Variants in SLFN13 observed in about 807,000 individuals in gnomAD.
The protein encoded by SLFN13 is schlafen-13.
SLFN13 carries 43 observed loss-of-function variants against 50.6 expected under a neutral mutation model. The observed-to-expected ratio is 0.85, with a 90% confidence interval of 0.67 to 1.09. The LOEUF (loss-of-function observed/expected upper bound fraction) is 1.09, where lower values mean the gene tolerates loss of function less well. Among genes scored for constraint, SLFN13 ranks in the 50% least tolerant of loss-of-function variants. The probability of loss-of-function intolerance (pLI) is 0.00; values close to 1 mark genes in which losing one functional copy is unlikely to be tolerated. For synonymous variants in SLFN13, 339 were observed against 386.5 expected (o/e 0.88, Z 1.44); for missense variants, 881 against 1,071.1 (o/e 0.82, Z 2.48).
At chr17:35,441,435 G>A (rs551552311) in intron 5 of SLFN13, 69 bp from the exon 6 acceptor site, 1 of 1,572,810 alleles carries the variant, frequency 6.4e-7, no homozygotes, top group South Asian at 1.2e-5. Context: ...ATTGTATCAT[G>A]TTCCTCCGAG....
Position 35,435,286 on chromosome 17 carries a change from T to C in SLFN13, c.*5309A>G, listed in dbSNP as rs1412460981. ...CATTGAACCTTGTGTTGCTATTCTT[T>C]ATAGTGTTTTGCGGGGAGGGGGTTG... On this transcript the variant is annotated 3_prime_UTR_variant, in exon 6 of 6. Transcript: ENST00000285013. 4 of 151,906 alleles carry C rather than the reference T, an allele frequency of 2.6e-5. No homozygotes were observed. The highest frequency in any genetic ancestry group is 9.7e-5 in the African/African-American group (4 of 41,352). The allele number at this position is 151,906 out of a possible 1,614,324, so 9.4% of individuals were successfully genotyped here. A position where few individuals can be genotyped will look rare whatever the true frequency, so the allele number is the denominator to read the frequency against.
chr17:35,444,658 C>T lies in SLFN13; in HGVS notation c.1023G>A (p.Leu341=), dbSNP rs1206322840. The part of the protein sequence containing the change: ...WMVREKYIRP[L]TTEEWVEKMM... ...TTTTCTCTACCCATTCCTCAGTTGT[C>T]AAGGGGCGGATGTACTTCTCCCTCA... The change falls in exon 3 of 6, where the codon TTG becomes TTA. Residue 341 remains leucine, a synonymous_variant. Coordinates refer to ENST00000285013, the MANE Select transcript of SLFN13 (RefSeq NM_144682.6). 1.9e-6 allele frequency: 3 copies of T among 1,614,090 alleles called. No individual in the cohort carries two copies. In the East Asian group the frequency reaches 6.7e-5, roughly 36 times the overall value.
In SLFN13 at chr17:35,436,885, G is replaced by A. The variant is rs983221566; in HGVS notation, c.*3710C>T. 4 of 151,958 alleles carry A rather than the reference G, an allele frequency of 2.6e-5. No individual in the cohort carries two copies. Among genetic ancestry groups the A allele is most frequent in the Admixed American group, 2.6e-4 (4 of 15,274 alleles). 9.4% of individuals were successfully genotyped at this position (151,958 alleles called of 1,614,324 possible). ...CCTGGACCAGAACTTTTTCTCTTTT[G>A]AGAAAAAAACATAAAGACACTTGAG... On this transcript the variant is annotated 3_prime_UTR_variant, in exon 6 of 6. Coordinates refer to ENST00000285013, the MANE Select transcript of SLFN13 (RefSeq NM_144682.6).
At chr17:35,449,017 T>C (rs1913372487), upstream of SLFN13, among the ~76,000 whole-genome samples, 1 of 151,308 alleles carries the variant, frequency 6.6e-6, no homozygotes, top group African/African-American at 2.4e-5. Context: ...GAGACCAGCC[T>C]GGACAGCACA....
At position 35,445,311 on chromosome 17, in the gene SLFN13, T is replaced by C; in HGVS notation, c.370A>G (p.Asn124Asp). 6.2e-7 allele frequency: 1 copy of C among 1,613,838 alleles called. No individual in the cohort carries two copies. Among genetic ancestry groups the C allele is most frequent in the Non-Finnish European group, 8.5e-7 (1 of 1,179,952 alleles). ...GAACTAAGGCTGCAAATGCGGGAAT[T>C]GAAAGAACCATCTTTAAGGAAAGGA... is the stretch of plus-strand genomic sequence containing the variant. ...GDPFLKDGSF[N>D]SRICSLSSSL... The change falls in exon 3 of 6, where the codon AAT becomes GAT. Residue 124 changes from asparagine (N) to aspartate (D), a missense_variant. Asn to Asp is a conservative substitution (Grantham distance 23, BLOSUM62 1). Around this residue, in one of 5 missense-constraint regions of SLFN13, gnomAD observed 497 missense variants for 518.3 expected, o/e 0.96. Transcript: ENST00000285013.
Position 35,440,496 on chromosome 17 carries a change from T to C in SLFN13, c.*99A>G. 1 of 1,400,434 alleles carries C rather than the reference T, an allele frequency of 7.1e-7. No individual in the cohort carries two copies. Among genetic ancestry groups the C allele is most frequent in the East Asian group, 2.3e-5 (1 of 43,682 alleles). The allele number at this position is 1,400,434 out of a possible 1,614,324, so 86.8% of individuals were successfully genotyped here. A position where few individuals can be genotyped will look rare whatever the true frequency, so the allele number is the denominator to read the frequency against. ...TGTCAGCTCTGTCCAAATCTCTAAC[T>C]GACTTGTGAACTAAAAAGAAAGGTT... On this transcript the variant is annotated 3_prime_UTR_variant, in exon 6 of 6. Coordinates refer to ENST00000285013, the MANE Select transcript of SLFN13 (RefSeq NM_144682.6).
In SLFN13 at chr17:35,444,754, G is replaced by A; in HGVS notation, c.927C>T (p.Gly309=). Residue 309 remains glycine (G), a synonymous_variant, in exon 3 of 6, where the codon GGC becomes GGT. Coordinates refer to ENST00000285013, the MANE Select transcript of SLFN13 (RefSeq NM_144682.6). ...CCTTCACTTTAATCACACAGAGATA[G>A]CCATACAACTCTTTCCCACAAAACA... ...VEVFCGKELY[G]YLCVIKVKAF... is the part of the protein sequence containing the mutation. 1.9e-6 allele frequency: 3 copies of A among 1,614,174 alleles called. No homozygotes were observed. Among genetic ancestry groups the A allele is most frequent in the Non-Finnish European group, 2.5e-6 (3 of 1,180,038 alleles).
chr17:35,445,540 T>A lies in SLFN13; in HGVS notation c.141A>T (p.Ile47=). The change falls in exon 3 of 6, where the codon ATA becomes ATT. Residue 47 remains isoleucine (I), a synonymous_variant. Coordinates refer to ENST00000285013, the MANE Select transcript of SLFN13 (RefSeq NM_144682.6). ...AGTTTAATAAAGCACACGCGGCCCG[T>A]ATAACTCTCGCCCTCTCTTGGTCTC... The part of the protein sequence containing the change: ...TQRDQERARV[I]RAACALLNSG... 6.2e-7 allele frequency: 1 copy of A among 1,614,160 alleles called. No individual in the cohort carries two copies. Among genetic ancestry groups the A allele is most frequent in the South Asian group, 1.1e-5 (1 of 91,074 alleles).
chr17:35,447,694 G>C (rs193136212), intron 1 of SLFN13, among the ~76,000 whole-genome samples: 9 of 152,188 alleles, frequency 5.9e-5, no homozygotes, highest in Non-Finnish European at 1.0e-4. Context: ...AAACAGCTGC[G>C]ACAGAGGCTC....
rs1912639727 is a variant in SLFN13, at chr17:35,436,168, C to G, written c.*4427G>C. 1 of 152,122 alleles carries G rather than the reference C, an allele frequency of 6.6e-6. No individual in the cohort carries two copies. Among genetic ancestry groups the G allele is most frequent in the Admixed American group, 6.5e-5 (1 of 15,286 alleles). 9.4% of individuals were successfully genotyped at this position (152,122 alleles called of 1,614,324 possible). ...TGAAATTAGTTAGGAACTGTTTCCT[C>G]TTTCTAGGAAAGCATTTGAATAAGA... is the stretch of plus-strand genomic sequence containing the variant. On this transcript the variant is annotated 3_prime_UTR_variant, in exon 6 of 6. Coordinates refer to ENST00000285013, the MANE Select transcript of SLFN13 (RefSeq NM_144682.6).
chr17:35,443,813 C>G lies in SLFN13; in HGVS notation c.1174G>C (p.Asp392His), dbSNP rs1467047985. 9.3e-6 allele frequency: 15 copies of G among 1,611,878 alleles called. No individual in the cohort carries two copies. The highest frequency in any genetic ancestry group is 1.3e-5 in the African/African-American group (1 of 74,878). ...YSKKGLEHKA[D>H]LQQHLFPVPP... ...CCTGGAAATAAATGTTGTTGTAGATCAGCTTTGTGTTCCAGACCTTTCTTA... is the reference window on the plus strand; with the variant it reads ...CCTGGAAATAAATGTTGTTGTAGATGAGCTTTGTGTTCCAGACCTTTCTTA... The change falls in exon 4 of 6, where the codon GAT becomes CAT. Residue 392 changes from aspartate to histidine, a missense_variant. Around this residue, in one of 5 missense-constraint regions of SLFN13, gnomAD observed 497 missense variants for 518.3 expected, o/e 0.96. Coordinates refer to ENST00000285013, the MANE Select transcript of SLFN13 (RefSeq NM_144682.6).
Position 35,444,719 on chromosome 17 carries a change from C to A in SLFN13, c.962G>T (p.Cys321Phe). The change falls in exon 3 of 6, where the codon TGT (cysteine) becomes TTT (phenylalanine). Residue 321 changes from cysteine (C) to phenylalanine (F), a missense_variant. Physicochemically the swap from Cys to Phe is radical, Grantham distance 205 (BLOSUM62 -2). This residue lies in a region of SLFN13 where 497 missense variants were observed against 518.3 expected (regional missense o/e 0.96). Coordinates refer to ENST00000285013, the MANE Select transcript of SLFN13 (RefSeq NM_144682.6). ...CTTGGGAGCTTCCGAGAACACCACACAACAGAATGCCTTCACTTTAATCAC... is the reference window on the plus strand; with the variant it reads ...CTTGGGAGCTTCCGAGAACACCACAAAACAGAATGCCTTCACTTTAATCAC... Reference protein sequence around the residue: ...LCVIKVKAFCCVVFSEAPKSW... With the variant: ...LCVIKVKAFCFVVFSEAPKSW... The A allele has an allele frequency of 6.2e-7, 1 of 1,614,208 alleles. No homozygotes were observed. Among genetic ancestry groups the A allele is most frequent in the South Asian group, 1.1e-5 (1 of 91,082 alleles).
rs969538382 is a variant in SLFN13 at position 35,436,825 on chromosome 17, GA to G, written c.*3769del. On this transcript the variant is annotated 3_prime_UTR_variant, in exon 6 of 6. Transcript: ENST00000285013. ...AGATTAAATGAGACTTAAAAGAAAG[GA>G]AAGCTCAATACAATGCATGATCTTA... 6.6e-6 allele frequency: 1 copy of G among 152,024 alleles called. No homozygotes were observed. Among genetic ancestry groups the G allele is most frequent in the African/African-American group, 2.4e-5 (1 of 41,408 alleles). The allele number at this position is 152,024 out of a possible 1,614,324, so 9.4% of individuals were successfully genotyped here.
chr17:35,443,010 T>C (rs1375590975), intron 4 of SLFN13, among the ~76,000 whole-genome samples: 1 of 152,230 alleles, frequency 6.6e-6, no homozygotes, highest in African/African-American at 2.4e-5. Flanking sequence ...AGGCCTAATA[T>C]ATGAATTACC....
rs1255529546 is a variant in SLFN13 at position 35,445,189 on chromosome 17, A to G, written c.492T>C (p.Asn164=). Residue 164 remains asparagine, a synonymous_variant, in exon 3 of 6, where the codon AAT becomes AAC. Transcript: ENST00000285013. The part of the protein sequence containing the change: ...LKTKERQSKY[N]LINEGSPPSK... ...TAGGTGGAGACCCTTCATTAATCAG[A>G]TTATATTTGGACTGTCTTTCCTTGG... is the stretch of plus-strand genomic sequence containing the variant. The G allele has an allele frequency of 1.9e-6, 3 of 1,613,454 alleles. No homozygotes were observed. The African/African-American group carries it at 4.0e-5, about 22-fold the overall frequency.
chr17:35,449,047 A>AACAACG (rs1913374680), upstream of SLFN13, among the ~76,000 whole-genome samples: 1 of 35,440 alleles, frequency 2.8e-5, no homozygotes, highest in Non-Finnish European at 6.5e-5. Context: ...CCGTCTGTAC[A>AACAACG]ACAACAACAA....
Position 35,440,652 on chromosome 17 carries a change from G to A in SLFN13, c.2637C>T (p.Pro879=). The change falls in exon 6 of 6, where the codon CCC becomes CCT. Residue 879 remains proline, a synonymous_variant. Coordinates refer to ENST00000285013, the MANE Select transcript of SLFN13 (RefSeq NM_144682.6). ...HPRTADPAIL[P]NILICLASRA... ...TGGAAGCCAGACAGATCAGAATATT[G>A]GGTAAGATAGCTGGGTCAGCTGTCC... is the stretch of plus-strand genomic sequence containing the variant. 1.2e-6 allele frequency: 2 copies of A among 1,614,106 alleles called. No individual in the cohort carries two copies. The highest frequency in any genetic ancestry group is 1.7e-6 in the Non-Finnish European group (2 of 1,180,012).
At position 35,440,999 on chromosome 17, in the gene SLFN13, G is replaced by C; in HGVS notation, c.2290C>G (p.Leu764Val). ...CCTGGAACCCATTTAGCTTCACTGA[G>C]AATTGCCAGATACCCATGGGGGATA... ...INIPHGYLAI[L>V]SEAKWVPGVP... Residue 764 changes from leucine (L) to valine (V), a missense_variant, in exon 6 of 6, where the codon CTC becomes GTC. This residue lies in a region of SLFN13 where 322 missense variants were observed against 327.4 expected (regional missense o/e 0.98). Transcript: ENST00000285013. The C allele has an allele frequency of 6.2e-7, 1 of 1,612,766 alleles. No individual in the cohort carries two copies. The highest frequency in any genetic ancestry group is 1.7e-5 in the Admixed American group (1 of 60,026).
At position 35,441,249 on chromosome 17, in the gene SLFN13, C is replaced by G. The variant is rs751692109; in HGVS notation, c.2040G>C (p.Trp680Cys). The stretch of plus-strand genomic sequence containing the variant: ...GAGTGATGGTTTTTGCCTTCCTATA[C>G]CAGTCCCCATCTTCAGTACGGAAAT... ...AQNFRTEDGDWYRKAKTITQR... is the reference protein window; with the variant it reads ...AQNFRTEDGDCYRKAKTITQR... The change falls in exon 6 of 6, where the codon TGG becomes TGC. Residue 680 changes from tryptophan (W) to cysteine (C), a missense_variant. Trp to Cys is a radical substitution (Grantham distance 215). Around this residue, in one of 5 missense-constraint regions of SLFN13, gnomAD observed 322 missense variants for 327.4 expected, o/e 0.98. Coordinates refer to ENST00000285013, the MANE Select transcript of SLFN13 (RefSeq NM_144682.6). The G allele has an allele frequency of 6.8e-6, 11 of 1,614,062 alleles. No homozygotes were observed. The Middle Eastern group carries it at 1.3e-3, about 194-fold the overall frequency.
Sources: allele counts gnomAD v4.1 joint callset (sites outside exome capture counted in the v4.1 genomes callset), GRCh38; gene constraint gnomAD v4.1.1; regional missense constraint gnomAD v4.1.1; transcripts MANE v1.5; gene names NCBI Gene and HGNC (gene_info 2026-07-23, HGNC 2026-07-21).